Variants in EXOC4 observed in about 807,000 individuals in gnomAD.
The protein encoded by EXOC4 is SEC8-like 1.
EXOC4 carries 71 observed loss-of-function variants against 107.2 expected under a neutral mutation model. The ratio of observed to expected loss-of-function variants is 0.66; its 90% CI spans 0.55 to 0.81. EXOC4 has a LOEUF of 0.81. Ranked by LOEUF, EXOC4 falls within the 30% of genes least tolerant of loss-of-function variation. The pLI, the probability that EXOC4 is intolerant of heterozygous loss-of-function variation, is 0.00. For missense variants in EXOC4, 1,108 were observed against 1,189.6 expected (o/e 0.93, Z 1.01); for synonymous variants, 456 against 441.2 (o/e 1.03, Z -0.42).
At chr7:133,365,632 CTCTTTAAA>C (rs1481587745) in intron 6 of EXOC4, among the ~76,000 whole-genome samples, 2 of 152,180 alleles carry the variant, frequency 1.3e-5, no homozygotes, top group Non-Finnish European at 2.9e-5. Context: ...TTAGTCAGCA[CTCTTTAAA>C]TAGTAACCCC....
chr7:133,904,298 G>C (rs901492459), intron 12 of EXOC4, among the ~76,000 whole-genome samples: 1 of 152,212 alleles, frequency 6.6e-6, no homozygotes, highest in Non-Finnish European at 1.5e-5. Flanking sequence ...AGTAGCGGTG[G>C]AGGAGGGGTG....
chr7:133,579,941 C>G (rs867285971), intron 9 of EXOC4, among the ~76,000 whole-genome samples: 1 of 152,156 alleles, frequency 6.6e-6, no homozygotes, highest in African/African-American at 2.4e-5. Context: ...GTGATCTGCC[C>G]GCCTTGGCCT....
At chr7:133,981,271 C>T (rs1032956222) in intron 14 of EXOC4, among the ~76,000 whole-genome samples, 4 of 152,124 alleles carry the variant, frequency 2.6e-5, no homozygotes, top group Non-Finnish European at 5.9e-5. Flanking sequence ...GTGGCCATGG[C>T]TTCTAAGATT....
Position 133,588,936 on chromosome 7 carries a change from G to A in EXOC4, c.1418-41109G>A, listed in dbSNP as rs114646816. 2.5e-3 allele frequency among the ~76,000 whole-genome samples: 371 copies of A among 151,208 alleles called. 5 individuals carry two copies. Among genetic ancestry groups the A allele is most frequent in the African/African-American group, 8.5e-3 (348 of 40,946 alleles). On this transcript the variant is annotated intron_variant, in intron 9 of 17. Coordinates refer to ENST00000253861, the MANE Select transcript of EXOC4 (RefSeq NM_021807.4). ...TATATATATGTGTGTATATGTGTGT[G>A]TGTATGTATATGTGTGTGTGCACAT...
chr7:133,672,477 T>A (rs1250808860), intron 10 of EXOC4, among the ~76,000 whole-genome samples: 1 of 152,046 alleles, frequency 6.6e-6, no homozygotes, highest in East Asian at 1.9e-4. Context: ...AATAGTCATA[T>A]GTGTGTAGTG....
intron 6 of EXOC4, among the ~76,000 whole-genome samples, chr7:133,359,375 TCTTA>T (rs930510528): frequency 3.3e-5 from 5 of 152,228 alleles, no homozygotes; most frequent in South Asian, 2.1e-4. Context: ...GTGCATTGAC[TCTTA>T]CTTAGGAAGG....
intron 9 of EXOC4, among the ~76,000 whole-genome samples, chr7:133,560,803 A>G (rs888023440): frequency 2.6e-5 from 4 of 152,220 alleles, no homozygotes; most frequent in Non-Finnish European, 5.9e-5. Context: ...GGATAACTGT[A>G]TATACATTTA....
At chr7:133,322,308 A>G (rs1167792807) in intron 5 of EXOC4, among the ~76,000 whole-genome samples, 5 of 152,168 alleles carry the variant, frequency 3.3e-5, no homozygotes, top group African/African-American at 7.2e-5. Context: ...TATGTCCTGA[A>G]TGGTATTGCC....
the EXOC4 span, among the ~76,000 whole-genome samples, chr7:134,078,564 T>C: frequency 2.0e-5 from 3 of 152,024 alleles, no homozygotes; most frequent in Admixed American, 2.0e-4. Context: ...CACCAAAACA[T>C]GAAAAAGATT....
chr7:133,905,827 G>A lies in EXOC4; in HGVS notation c.1871+10092G>A, dbSNP rs148106398. ...AGCTAGAACTCATGCTGGACATGAA[G>A]AAAGAGTGAGAGGAGGAGAAGCCTG... On this transcript the variant is annotated intron_variant, in intron 12 of 17. Transcript: ENST00000253861. Among the ~76,000 whole-genome samples, 3 of 152,250 alleles carry A rather than the reference G, an allele frequency of 2.0e-5. No individual in the cohort carries two copies. The East Asian group carries it at 5.8e-4, about 29-fold the overall frequency.
Position 133,979,370 on chromosome 7 carries a change from A to G in EXOC4, c.2207-18122A>G, listed in dbSNP as rs1043399681. Among the ~76,000 whole-genome samples, 7 of 152,168 alleles carry G rather than the reference A, an allele frequency of 4.6e-5. No homozygotes were observed. In the South Asian group the frequency reaches 1.5e-3, roughly 32 times the overall value. On this transcript the variant is annotated intron_variant, in intron 14 of 17. Coordinates refer to ENST00000253861, the MANE Select transcript of EXOC4 (RefSeq NM_021807.4). Reference sequence around the variant, plus strand: ...TCATAGTGCCTCTTTGGTAGAAAGGAAATAAACGGCGGTCAGGAAATAAAT... The same window carrying G: ...TCATAGTGCCTCTTTGGTAGAAAGGGAATAAACGGCGGTCAGGAAATAAAT...
intron 14 of EXOC4, among the ~76,000 whole-genome samples, chr7:133,972,667 A>T (rs1801269488): frequency 1.3e-5 from 2 of 152,226 alleles, no homozygotes; most frequent in South Asian, 4.1e-4. Flanking sequence ...GCTTAGATAA[A>T]TATTGCAAAT....
At chr7:133,662,819 A>G (rs913665373) in intron 10 of EXOC4, among the ~76,000 whole-genome samples, 11 of 152,206 alleles carry the variant, frequency 7.2e-5, no homozygotes, top group African/African-American at 2.7e-4. Flanking sequence ...AGCAGTAGAT[A>G]GAAGATGGCA....
chr7:133,351,410 T>C (rs2150646935), intron 5 of EXOC4, among the ~76,000 whole-genome samples: 1 of 152,104 alleles, frequency 6.6e-6, no homozygotes, highest in East Asian at 1.9e-4. Context: ...TTCTTTGTGA[T>C]TTAGTGTTGA....
chr7:133,334,699 C>T (rs1193082216), intron 5 of EXOC4, among the ~76,000 whole-genome samples: 2 of 151,968 alleles, frequency 1.3e-5, no homozygotes, highest in African/African-American at 4.8e-5. Context: ...CTGATTCTCT[C>T]CCTCCTCCCA....
At chr7:134,049,459 T>C (rs1304270721) in intron 17 of EXOC4, among the ~76,000 whole-genome samples, 1 of 152,192 alleles carries the variant, frequency 6.6e-6, no homozygotes, top group African/African-American at 2.4e-5. Context: ...TTTCCCCAAA[T>C]ACCGTATTCT....
intron 10 of EXOC4, among the ~76,000 whole-genome samples, chr7:133,655,509 A>G (rs1003841727): frequency 6.6e-6 from 1 of 152,016 alleles, no homozygotes; most frequent in African/African-American, 2.4e-5. Context: ...GTACAAAAAT[A>G]TTTTCTTTTT....
intron 6 of EXOC4, among the ~76,000 whole-genome samples, chr7:133,372,072 A>T (rs1004259278): frequency 1.3e-5 from 2 of 152,090 alleles, no homozygotes; most frequent in African/African-American, 4.8e-5. Context: ...TCCATTTTTA[A>T]GTTCAGTTGT....
chr7:134,063,735 A>C (rs1796124538), intron 17 of EXOC4, among the ~76,000 whole-genome samples: 1 of 152,186 alleles, frequency 6.6e-6, no homozygotes, highest in African/African-American at 2.4e-5. Context: ...ACACATTAGC[A>C]TCATTATAGT....
Sources: gnomAD v4.1 joint callset for allele counts (sites outside exome capture counted in the v4.1 genomes callset) on GRCh38, gnomAD v4.1.1 for gene constraint, MANE v1.5 for transcripts, NCBI Gene and HGNC (gene_info 2026-07-23, HGNC 2026-07-21) for gene names.